Variants in ADCY4 observed in about 807,000 individuals in gnomAD.
The protein encoded by ADCY4 is adenylate cyclase 4.
ADCY4 carries 111 observed loss-of-function variants against 125.5 expected under a neutral mutation model. The observed-to-expected ratio is 0.88, with a 90% CI of 0.76 to 1.04. The LOEUF is 1.04. Among genes scored for constraint, ADCY4 ranks in the 50% least tolerant of loss-of-function variants. ADCY4 has a pLI of 0.00. For missense variants in ADCY4, 1,256 were observed against 1,382.9 expected (o/e 0.91, Z 1.46); for synonymous variants, 576 against 586.9 (o/e 0.98, Z 0.27).
rs1202903380 is a variant in ADCY4, at chr14:24,322,892, A to C, written c.2342+12T>G. 6.3e-7 allele frequency: 1 copy of C among 1,584,046 alleles called. No individual in the cohort carries two copies. The highest frequency in any genetic ancestry group is 2.3e-5 in the East Asian group (1 of 43,664). ...AGGGGGCCCGGCACCTCTGTCCAGC[A>C]GCTGTGCACACCTGGAGTCCAAGGG... On this transcript the variant is annotated intron_variant, in intron 18 of 24. Transcript: ENST00000418030.
intron 20 of ADCY4, among the ~76,000 whole-genome samples, chr14:24,321,067 G>C (rs1033237278): frequency 2.0e-5 from 3 of 150,434 alleles, no homozygotes; most frequent in African/African-American, 7.4e-5. Context: ...TTAGTTATTA[G>C]GTTGGTGCAA....
In ADCY4 at chr14:24,331,113, T is replaced by C; in HGVS notation, c.835A>G (p.Ile279Val). 6.2e-7 allele frequency: 1 copy of C among 1,613,432 alleles called. No individual in the cohort carries two copies. Among genetic ancestry groups the C allele is most frequent in the Non-Finnish European group, 8.5e-7 (1 of 1,179,466 alleles). The change falls in exon 6 of 25, where the codon ATC (isoleucine) becomes GTC (valine). Residue 279 changes from isoleucine (I) to valine (V), a missense_variant. By Grantham distance (29) the Ile-to-Val change is conservative. Coordinates refer to ENST00000418030, the MANE Select transcript of ADCY4 (RefSeq NM_001198568.2). ...HQGVSVLYAD[I>V]VGFTRLASEC... ...CTGGCCAGCCGCGTGAAGCCCACGA[T>C]GTCAGCATACAGCACGCTGCATAGG... is the stretch of plus-strand genomic sequence containing the variant.
At chr14:24,320,032 A>T in intron 20 of ADCY4, 144 bp from the exon 21 acceptor site, 1 of 922,136 alleles carries the variant, frequency 1.1e-6, no homozygotes, top group Non-Finnish European at 1.6e-6. Context: ...GAGTAGGGCC[A>T]GGCTACCCCA....
chr14:24,319,911 T>C lies in ADCY4; in HGVS notation c.2587-23A>G. 2 of 1,610,230 alleles carry C rather than the reference T, an allele frequency of 1.2e-6. No homozygotes were observed. The highest frequency in any genetic ancestry group is 2.0e-4 in the Middle Eastern group (1 of 4,918). On this transcript the variant is annotated intron_variant, in intron 20 of 24. Coordinates refer to ENST00000418030, the MANE Select transcript of ADCY4 (RefSeq NM_001198568.2). The surrounding 1 kb of genome is among the most constrained non-coding windows in gnomAD (Gnocchi z 4.5). ...ATCCTGGGGGAACAGGAGACTGGAG[T>C]GAGGGGTGTGTGTCATGTTCCTCTC...
chr14:24,322,603 G>A (rs535898488), intron 19 of ADCY4, 21 bp downstream of exon 19: 1 of 1,613,316 alleles, frequency 6.2e-7, no homozygotes, highest in South Asian at 1.1e-5. Context: ...GGCCCTGGTG[G>A]GGCTGAGCTG....
chr14:24,328,911 T>G lies in ADCY4; in HGVS notation c.1524+150A>C, dbSNP rs2139216258. 5.0e-6 allele frequency: 5 copies of G among 993,760 alleles called. No homozygotes were observed. In the South Asian group the frequency reaches 7.8e-5, roughly 15 times the overall value. The allele number at this position is 993,760 out of a possible 1,614,324, so 61.6% of individuals were successfully genotyped here. ...GCAAGGAAGGGCCTGAACCAGTGAC[T>G]GGGGTGACAAGACAGTTCGGGACTT... On this transcript the variant is annotated intron_variant, in intron 10 of 24. Transcript: ENST00000418030.
At chr14:24,318,601 GT>G in intron 24 of ADCY4, 33 bp from the exon 25 acceptor site, 2 of 1,614,062 alleles carry the variant, frequency 1.2e-6, no homozygotes, top group Non-Finnish European at 1.7e-6. Flanking sequence ...GAATATGGAG[GT>G]GGCCCTATTC....
At chr14:24,323,201 G>T in intron 17 of ADCY4, 113 bp from the exon 18 acceptor site, 1 of 1,404,862 alleles carries the variant, frequency 7.1e-7, no homozygotes, top group Non-Finnish European at 9.8e-7. Flanking sequence ...GAGACAGGGG[G>T]CATCATACAC....
Position 24,319,693 on chromosome 14 carries a change from A to C in ADCY4, c.2733+49T>G. ...AAAGTGGAAGGAGGTACTGGTGGAAAATTCTAGAATCTAGGACATAGGGTC... is the reference window on the plus strand; with the variant it reads ...AAAGTGGAAGGAGGTACTGGTGGAACATTCTAGAATCTAGGACATAGGGTC... On this transcript the variant is annotated intron_variant, in intron 21 of 24. Coordinates refer to ENST00000418030, the MANE Select transcript of ADCY4 (RefSeq NM_001198568.2). The surrounding 1 kb of genome is among the most constrained non-coding windows in gnomAD (Gnocchi z 4.5). 1.2e-6 allele frequency: 2 copies of C among 1,611,748 alleles called. No homozygotes were observed. The highest frequency in any genetic ancestry group is 1.7e-6 in the Non-Finnish European group (2 of 1,179,116).
intron 16 of ADCY4, chr14:24,323,700 C>G (rs1007188602): frequency 7.4e-7 from 1 of 1,360,096 alleles, no homozygotes; most frequent in African/African-American, 1.5e-5. Flanking sequence ...AGCCACTTAG[C>G]CTCTCTGGGC....
At chr14:24,329,762 T>G in intron 8 of ADCY4, 98 bp downstream of exon 8, 1 of 1,521,982 alleles carries the variant, frequency 6.6e-7, no homozygotes, top group Non-Finnish European at 8.9e-7. Context: ...CTTAAGGTAC[T>G]CATCTTGTGC....
At chr14:24,323,535 G>A in intron 16 of ADCY4, 81 bp from the exon 17 acceptor site, 4 of 1,530,506 alleles carry the variant, frequency 2.6e-6, no homozygotes, top group Non-Finnish European at 2.6e-6. Flanking sequence ...AGCTGACCCA[G>A]GGATGAGTCA....
intron 20 of ADCY4, among the ~76,000 whole-genome samples, chr14:24,321,511 AG>A (rs1038988439): frequency 1.3e-4 from 20 of 152,102 alleles, no homozygotes; most frequent in Admixed American, 8.5e-4. Flanking sequence ...AAAAAAAAAA[AG>A]TAATTACTTT....
intron 10 of ADCY4, chr14:24,328,704 C>A (rs1047022150): frequency 4.3e-6 from 1 of 235,006 alleles, no homozygotes; most frequent in South Asian, 6.6e-5. Context: ...TGGTAGTGGT[C>A]CCCCGGGCCC....
Position 24,328,982 on chromosome 14 carries a change from G to A in ADCY4, c.1524+79C>T. On this transcript the variant is annotated intron_variant, in intron 10 of 24. Coordinates refer to ENST00000418030, the MANE Select transcript of ADCY4 (RefSeq NM_001198568.2). ...AGTGGCTCACTGGTGGTGGGGGCAG[G>A]GAAGGCTGCCAGTGGGGCCTGAGGA... The A allele has an allele frequency of 3.3e-6, 5 of 1,516,950 alleles. No individual in the cohort carries two copies. In the South Asian group the frequency reaches 4.9e-5, roughly 15 times the overall value. 94.0% of individuals were successfully genotyped at this position (1,516,950 alleles called of 1,614,324 possible).
In ADCY4 at chr14:24,329,442, G is replaced by A. The variant is rs972915180; in HGVS notation, c.1309C>T (p.Arg437Trp). Residue 437 changes from arginine to tryptophan, a missense_variant, in exon 9 of 25, where the codon CGG becomes TGG. Coordinates refer to ENST00000418030, the MANE Select transcript of ADCY4 (RefSeq NM_001198568.2). ...AGMEHRDPYL[R>W]ELGEPTYLVI... ...AGATAGGTAGGCTCCCCTAGCTCCC[G>A]AAGGTAGGGGTCCCGATGCTCCATG... The A allele has an allele frequency of 7.0e-6, 11 of 1,577,476 alleles. No homozygotes were observed. The highest frequency in any genetic ancestry group is 2.2e-5 in the East Asian group (1 of 44,702).
chr14:24,322,624 C>T lies in ADCY4; in HGVS notation c.2427G>A (p.Gln809=), dbSNP rs1202637569. 1 of 1,613,938 alleles carries T rather than the reference C, an allele frequency of 6.2e-7. No homozygotes were observed. ...GGTGGGGCTGAGCTGGGTGACTTAC[C>T]TGGCGAGCCAGGACAAGGAGGGTGA... The part of the protein sequence containing the change: ...FFFTLLVLAR[Q]NEYYCRLDFL... Residue 809 remains glutamine (Q), a splice_region_variant and synonymous_variant, in exon 19 of 25, where the codon CAG becomes CAA. Transcript: ENST00000418030.
intron 14 of ADCY4, among the ~76,000 whole-genome samples, chr14:24,325,071 T>C (rs1029302813): frequency 1.3e-5 from 2 of 152,128 alleles, no homozygotes; most frequent in Admixed American, 6.5e-5. Flanking sequence ...GCCTACTTTC[T>C]AAGCTCATGC....
At position 24,325,864 on chromosome 14, in the gene ADCY4, A is replaced by G; in HGVS notation, c.1679T>C (p.Phe560Ser). Residue 560 changes from phenylalanine to serine, a missense_variant, in exon 13 of 25, where the codon TTC becomes TCC. By Grantham distance (155) the Phe-to-Ser change is radical (BLOSUM62 -2). Coordinates refer to ENST00000418030, the MANE Select transcript of ADCY4 (RefSeq NM_001198568.2). ...SQKQWKQSKD[F>S]NPLTLYFREK... Reference sequence around the variant, plus strand: ...TCTGAAGTACAGTGTCAGTGGGTTGAAGTCCTTCGACTGCTTCCACTGTCT... The same window carrying G: ...TCTGAAGTACAGTGTCAGTGGGTTGGAGTCCTTCGACTGCTTCCACTGTCT... The G allele has an allele frequency of 6.3e-7, 1 of 1,596,016 alleles. No individual in the cohort carries two copies. Among genetic ancestry groups the G allele is most frequent in the Non-Finnish European group, 8.6e-7 (1 of 1,169,188 alleles).
Sources: gnomAD v4.1 joint callset for allele counts (sites outside exome capture counted in the v4.1 genomes callset) on GRCh38, gnomAD v4.1.1 for gene constraint, Gnocchi (gnomAD v3.1) non-coding constraint, MANE v1.5 for transcripts, NCBI Gene and HGNC (gene_info 2026-07-23, HGNC 2026-07-21) for gene names.